Variants in BMP6 observed in about 807,000 individuals in gnomAD.
BMP6 encodes the protein VG-1-R.
Under a neutral mutation model 54.1 loss-of-function variants are expected in BMP6, and 17 were observed. That is an observed-to-expected ratio of 0.31 (90% CI 0.22 to 0.47). The LOEUF is 0.47. Ranked by LOEUF, BMP6 falls within the 20% of genes least tolerant of loss-of-function variation. The probability of loss-of-function intolerance (pLI) is 1.00; values close to 1 mark genes in which losing one functional copy is unlikely to be tolerated. For missense variants in BMP6, 720 were observed against 690.4 expected (o/e 1.04, Z -0.48); for synonymous variants, 328 against 291.2 (o/e 1.13, Z -1.28).
At chr6:7,760,697 A>G (rs961302702) in intron 1 of BMP6, among the ~76,000 whole-genome samples, 7 of 152,068 alleles carry the variant, frequency 4.6e-5, no homozygotes, top group African/African-American at 1.7e-4. Flanking sequence ...CAAACTTCTG[A>G]CCTCAGGTGA....
At chr6:7,767,054 T>A (rs1757703822) in intron 1 of BMP6, among the ~76,000 whole-genome samples, 1 of 151,700 alleles carries the variant, frequency 6.6e-6, no homozygotes, top group Non-Finnish European at 1.5e-5. Flanking sequence ...TGGCGCGATC[T>A]CGGTGCACTG....
chr6:7,782,232 G>A (rs1757959322), intron 1 of BMP6, among the ~76,000 whole-genome samples: 1 of 142,828 alleles, frequency 7.0e-6, no homozygotes, highest in Admixed American at 6.9e-5. Flanking sequence ...TTGAGATAGG[G>A]AACTCTAGGA....
intron 1 of BMP6, among the ~76,000 whole-genome samples, chr6:7,776,622 G>T (rs1581243007): frequency 2.6e-5 from 4 of 152,164 alleles, no homozygotes; most frequent in Admixed American, 2.0e-4. Flanking sequence ...ATTGGTAGTT[G>T]TCAAATTAAG....
intron 1 of BMP6, among the ~76,000 whole-genome samples, chr6:7,840,781 T>G (rs1170032896): frequency 6.6e-6 from 1 of 152,130 alleles, no homozygotes; most frequent in Non-Finnish European, 1.5e-5. Context: ...TCAAAAACTG[T>G]CTTGACTGGT....
chr6:7,807,125 C>T (rs1403402006), intron 1 of BMP6, among the ~76,000 whole-genome samples: 1 of 152,160 alleles, frequency 6.6e-6, no homozygotes, highest in African/African-American at 2.4e-5. Flanking sequence ...TTACGTAATA[C>T]TCTCCTTATG....
At chr6:7,848,616 A>G (rs1018490002) in intron 2 of BMP6, among the ~76,000 whole-genome samples, 1 of 152,212 alleles carries the variant, frequency 6.6e-6, no homozygotes, top group Admixed American at 6.5e-5. Context: ...GGCTGGTCCT[A>G]TGATTATTGA....
chr6:7,751,726 A>G (rs900921992), intron 1 of BMP6, among the ~76,000 whole-genome samples: 2 of 152,362 alleles, frequency 1.3e-5, no homozygotes, highest in East Asian at 1.9e-4. Context: ...GGCCAATTAC[A>G]GATGAACTGG....
chr6:7,825,946 A>T (rs1223642152), intron 1 of BMP6, among the ~76,000 whole-genome samples: 1 of 152,104 alleles, frequency 6.6e-6, no homozygotes, highest in Non-Finnish European at 1.5e-5. Flanking sequence ...CCAGACCCTT[A>T]TATAAAATAA....
At chr6:7,838,363 G>A (rs1272327158) in intron 1 of BMP6, among the ~76,000 whole-genome samples, 1 of 152,044 alleles carries the variant, frequency 6.6e-6, no homozygotes, top group African/African-American at 2.4e-5. Flanking sequence ...TATCCCCCTC[G>A]GATAAGAGGG....
At chr6:7,805,285 A>G (rs975283287) in intron 1 of BMP6, among the ~76,000 whole-genome samples, 1 of 152,192 alleles carries the variant, frequency 6.6e-6, no homozygotes, top group Non-Finnish European at 1.5e-5. Context: ...TCCGTATCTT[A>G]TACAATGCGG....
chr6:7,808,114 G>GT (rs1416907727), intron 1 of BMP6, among the ~76,000 whole-genome samples: 131 of 151,516 alleles, frequency 8.6e-4, no homozygotes, highest in Non-Finnish European at 1.4e-3. Context: ...TAGAGATGGG[G>GT]TTTCACCGTG....
chr6:7,731,575 CA>C (rs1459185585), intron 1 of BMP6, among the ~76,000 whole-genome samples: 1 of 152,174 alleles, frequency 6.6e-6, no homozygotes, highest in Non-Finnish European at 1.5e-5. Flanking sequence ...TAATGCTGAC[CA>C]CATGGAAGAT....
intron 1 of BMP6, among the ~76,000 whole-genome samples, chr6:7,790,774 T>C (rs1327781696): frequency 2.0e-5 from 3 of 152,152 alleles, no homozygotes; most frequent in Non-Finnish European, 4.4e-5. Context: ...TCTCACTCCA[T>C]AGGACATCGC....
intron 1 of BMP6, among the ~76,000 whole-genome samples, chr6:7,831,708 C>T (rs1021725221): frequency 5.9e-5 from 9 of 152,158 alleles, no homozygotes; most frequent in African/African-American, 2.2e-4. Flanking sequence ...TATTCTGGGC[C>T]AATAGTGCTG....
Position 7,876,651 on chromosome 6 carries a change from TAAGTA to T in BMP6, c.1205-2421_1205-2417del, listed in dbSNP as rs1418456592. Among the ~76,000 whole-genome samples the T allele has an allele frequency of 3.3e-5, 5 of 152,236 alleles. No individual in the cohort carries two copies. In the South Asian group the frequency reaches 6.2e-4, roughly 19 times the overall value. ...TCTGTTTAATGTATAACTAATCTGT[TAAGTA>T]ATCTGTTTAATCTGTTAATTAGACA... On this transcript the variant is annotated intron_variant, in intron 4 of 6. Transcript: ENST00000283147.
intron 2 of BMP6, among the ~76,000 whole-genome samples, chr6:7,848,117 C>G (rs1227939104): frequency 6.6e-6 from 1 of 152,140 alleles, no homozygotes; most frequent in Non-Finnish European, 1.5e-5. Context: ...GTGGTCCTTT[C>G]CTTGAATGGA....
At chr6:7,802,708 G>A (rs1162520983) in intron 1 of BMP6, among the ~76,000 whole-genome samples, 2 of 152,164 alleles carry the variant, frequency 1.3e-5, no homozygotes, top group African/African-American at 4.8e-5. Context: ...GAGGAAGGTG[G>A]CAGTGTCCTT....
intron 1 of BMP6, among the ~76,000 whole-genome samples, chr6:7,817,998 A>G (rs941172013): frequency 1.3e-5 from 2 of 152,224 alleles, no homozygotes; most frequent in African/African-American, 2.4e-5. Flanking sequence ...ATCAGGTCAC[A>G]CATTTTTTAA....
chr6:7,798,999 C>T (rs572093549), intron 1 of BMP6, among the ~76,000 whole-genome samples: 65 of 152,350 alleles, frequency 4.3e-4, no homozygotes, highest in African/African-American at 1.6e-3. Flanking sequence ...CTCTTGACCT[C>T]ACTCACTTTC....
Sources: gnomAD v4.1 joint callset for allele counts (sites outside exome capture counted in the v4.1 genomes callset) on GRCh38, gnomAD v4.1.1 for gene constraint, MANE v1.5 for transcripts, NCBI Gene and HGNC (gene_info 2026-07-23, HGNC 2026-07-21) for gene names.